The following TPGS2 variants were observed in gnomAD, a reference collection of about 807,000 sequenced individuals.
TPGS2 encodes the protein tubulin polyglutamylase complex subunit 2.
A neutral mutation model predicts 31.1 loss-of-function variants in TPGS2; 26 were observed. The observed-to-expected ratio is 0.84, with a 90% CI of 0.61 to 1.16. The LOEUF (loss-of-function observed/expected upper bound fraction) is 1.16, where lower values mean the gene tolerates loss of function less well. Ranked by LOEUF, TPGS2 falls within the 50% of genes most tolerant of loss-of-function variation. The pLI is 0.00. For missense variants in TPGS2, 351 were observed against 363.8 expected (o/e 0.96, Z 0.29); for synonymous variants, 130 against 136.6 (o/e 0.95, Z 0.34).
rs1038935587 is a variant in TPGS2, at chr18:36,828,675, T to C, written c.85+8A>G. The stretch of plus-strand genomic sequence containing the variant: ...ACACCCTCTCGGCACCGTGCCCCCT[T>C]TCCTCACCTAGGATGCGCGTGATGC... On this transcript the variant is annotated splice_region_variant and intron_variant, in intron 1 of 6. Coordinates refer to ENST00000334295, the MANE Select transcript of TPGS2 (RefSeq NM_015476.4). 3.1e-6 allele frequency: 5 copies of C among 1,613,724 alleles called. No individual in the cohort carries two copies. Among genetic ancestry groups the C allele is most frequent in the African/African-American group, 2.7e-5 (2 of 74,928 alleles).
rs184318613 is a variant in TPGS2, at chr18:36,825,892, A to G, written c.85+2791T>C. ...GATTTGTAGATCAATTTGGGGAGTA[A>G]CAGATTTTAACAATATTAACTCTTC... is the stretch of plus-strand genomic sequence containing the variant. On this transcript the variant is annotated intron_variant, in intron 1 of 6. Transcript: ENST00000334295. Among the ~76,000 whole-genome samples the G allele has an allele frequency of 2.2e-3, 339 of 152,296 alleles. 4 individuals are homozygous for G. The highest frequency in any genetic ancestry group is 7.6e-3 in the African/African-American group (315 of 41,558).
At chr18:36,791,866 TATAA>T (rs2044321224), downstream of TPGS2, among the ~76,000 whole-genome samples, 1 of 151,942 alleles carries the variant, frequency 6.6e-6, no homozygotes, top group African/African-American at 2.4e-5. Flanking sequence ...ACTGCATCTC[TATAA>T]ATAATGATAA....
intron 1 of TPGS2, among the ~76,000 whole-genome samples, chr18:36,826,054 T>G (rs2046121511): frequency 6.6e-6 from 1 of 152,216 alleles, no homozygotes; most frequent in South Asian, 2.1e-4. Flanking sequence ...TTATTTTTTT[T>G]GAGATAGGGT....
downstream of TPGS2, among the ~76,000 whole-genome samples, chr18:36,793,947 T>G (rs2044406510): frequency 3.9e-5 from 6 of 152,108 alleles, no homozygotes; most frequent in Admixed American, 3.9e-4. Context: ...TTCACTGTGT[T>G]AGCCAGGATG....
chr18:36,819,101 C>G, intron 1 of TPGS2, 128 bp from the exon 2 acceptor site: 1 of 727,142 alleles, frequency 1.4e-6, no homozygotes, highest in Non-Finnish European at 2.3e-6. Context: ...CACTTATTAC[C>G]CCTGTAATGA....
intron 1 of TPGS2, among the ~76,000 whole-genome samples, chr18:36,825,586 CACATA>C (rs1447557443): frequency 1.3e-5 from 2 of 152,036 alleles, no homozygotes; most frequent in Non-Finnish European, 1.5e-5. Flanking sequence ...TATTAAAATA[CACATA>C]ACATAAAATC....
Position 36,826,866 on chromosome 18 carries a change from T to C in TPGS2, c.85+1817A>G, listed in dbSNP as rs569013155. 1.8e-4 allele frequency among the ~76,000 whole-genome samples: 28 copies of C among 152,320 alleles called. No individual in the cohort carries two copies. In the East Asian group the frequency reaches 5.4e-3, roughly 29 times the overall value. Reference sequence around the variant, plus strand: ...ATGTTAGATGTGGGTTTTTCATAGATGTCCTTCATCAGGTTGAGGAAATTC... The same window carrying C: ...ATGTTAGATGTGGGTTTTTCATAGACGTCCTTCATCAGGTTGAGGAAATTC... On this transcript the variant is annotated intron_variant, in intron 1 of 6. Coordinates refer to ENST00000334295, the MANE Select transcript of TPGS2 (RefSeq NM_015476.4).
chr18:36,822,915 A>T (rs2045956790), intron 1 of TPGS2, among the ~76,000 whole-genome samples: 1 of 152,172 alleles, frequency 6.6e-6, no homozygotes, highest in Non-Finnish European at 1.5e-5. Context: ...ATTTATATTT[A>T]TGTTATGACA....
rs1289529111 is a variant in TPGS2 at position 36,796,031 on chromosome 18, T to C, written c.*774A>G. The C allele has an allele frequency of 2.0e-6, 2 of 985,250 alleles. No individual in the cohort carries two copies. The highest frequency in any genetic ancestry group is 2.4e-6 in the Non-Finnish European group (2 of 829,914). The allele number at this position is 985,250 out of a possible 1,614,324, so 61.0% of individuals were successfully genotyped here. ...GATAATTGTGGAACGTGTACAAACATCATAACACAAAACTGGAAGCAAGAA... is the reference window on the plus strand; with the variant it reads ...GATAATTGTGGAACGTGTACAAACACCATAACACAAAACTGGAAGCAAGAA... On this transcript the variant is annotated 3_prime_UTR_variant, in exon 7 of 7. Transcript: ENST00000334295.
At chr18:36,798,813 C>G (rs1264355591) in intron 5 of TPGS2, among the ~76,000 whole-genome samples, 2 of 152,170 alleles carry the variant, frequency 1.3e-5, no homozygotes, top group Admixed American at 6.5e-5. Flanking sequence ...CTTTGATACT[C>G]TTACAAATTT....
chr18:36,828,013 C>G (rs2150726264), intron 1 of TPGS2, among the ~76,000 whole-genome samples: 1 of 152,150 alleles, frequency 6.6e-6, no homozygotes, highest in South Asian at 2.1e-4. Context: ...TCGAGACCAG[C>G]CTGGCCAACA....
In TPGS2 at chr18:36,814,784, C is replaced by A. The variant is rs914427514; in HGVS notation, c.165+4110G>T. 3.2e-4 allele frequency among the ~76,000 whole-genome samples: 48 copies of A among 152,304 alleles called. 1 individual carries two copies. The highest frequency in any genetic ancestry group is 1.1e-3 in the African/African-American group (47 of 41,572). On this transcript the variant is annotated intron_variant, in intron 2 of 6. Coordinates refer to ENST00000334295, the MANE Select transcript of TPGS2 (RefSeq NM_015476.4). ...ATGTTGCTTTGGAATAAAGTGATTT[C>A]TGAGGCATATTCTTCCTTATGTCTT...
At chr18:36,805,305 G>C in intron 4 of TPGS2, 69 bp downstream of exon 4, 1 of 1,550,804 alleles carries the variant, frequency 6.4e-7, no homozygotes. Context: ...GATTCATTAA[G>C]TACCTACTAT....
intron 6 of TPGS2, among the ~76,000 whole-genome samples, chr18:36,783,520 C>T (rs377627453): frequency 1.1e-4 from 17 of 152,178 alleles, no homozygotes; most frequent in African/African-American, 4.1e-4. Flanking sequence ...TAAAAAACAA[C>T]TTAATGATCT....
intron 2 of TPGS2, among the ~76,000 whole-genome samples, chr18:36,814,494 C>T (rs1230599269): frequency 6.6e-6 from 1 of 152,140 alleles, no homozygotes; most frequent in African/African-American, 2.4e-5. Flanking sequence ...ATCTTTCTTC[C>T]TGGATTTGCA....
downstream of TPGS2, chr18:36,780,126 G>C: frequency 8.1e-7 from 1 of 1,232,026 alleles, no homozygotes; most frequent in Non-Finnish European, 1.0e-6. Context: ...CTTCAGAATG[G>C]CAAAACTCTT....
chr18:36,784,278 G>T (rs771188591), intron 6 of TPGS2, among the ~76,000 whole-genome samples: 10 of 152,190 alleles, frequency 6.6e-5, no homozygotes, highest in Non-Finnish European at 1.0e-4. Flanking sequence ...GTAACTGTGC[G>T]CCAGGCACTT....
In TPGS2 at chr18:36,828,744, C is replaced by G. The variant is rs1210224799; in HGVS notation, c.24G>C (p.Pro8=). ...GGTGCGGCTTGCTGCAGCCCAGCCCCGGGGACGATGCCTCCTCCTCCATGG... is the reference window on the plus strand; with the variant it reads ...GGTGCGGCTTGCTGCAGCCCAGCCCGGGGGACGATGCCTCCTCCTCCATGG... The part of the protein sequence containing the change: MEEEASS[P]GLGCSKPHLE... The change falls in exon 1 of 7, where the codon CCG becomes CCC. Residue 8 remains proline (P), a synonymous_variant. Coordinates refer to ENST00000334295, the MANE Select transcript of TPGS2 (RefSeq NM_015476.4). 2 of 1,613,860 alleles carry G rather than the reference C, an allele frequency of 1.2e-6. No individual in the cohort carries two copies. Among genetic ancestry groups the G allele is most frequent in the Non-Finnish European group, 8.5e-7 (1 of 1,179,986 alleles).
intron 4 of TPGS2, among the ~76,000 whole-genome samples, chr18:36,802,727 A>T (rs559994007): frequency 1.3e-5 from 2 of 152,192 alleles, no homozygotes; most frequent in African/African-American, 4.8e-5. Flanking sequence ...TCCTGGGTTC[A>T]AGTGACTCTC....
Sources: allele counts gnomAD v4.1 joint callset (sites outside exome capture counted in the v4.1 genomes callset), GRCh38; gene constraint gnomAD v4.1.1; transcripts MANE v1.5; gene names NCBI Gene and HGNC (gene_info 2026-07-23, HGNC 2026-07-21).